The following RSPH10B2 variants were observed in gnomAD, a reference collection of about 807,000 sequenced individuals.
RSPH10B2 encodes the protein radial spoke head 10 homolog B2 (Chlamydomonas).
RSPH10B2 carries 9 observed loss-of-function variants against 49.0 expected under a neutral mutation model. That is an observed-to-expected ratio of 0.18 (90% CI 0.11 to 0.32). RSPH10B2 has a LOEUF of 0.32. Ranked by LOEUF, RSPH10B2 falls within the 10% of genes least tolerant of loss-of-function variation. The pLI is 1.00. For synonymous variants in RSPH10B2, 35 were observed against 210.2 expected, an observed-to-expected ratio of 0.17 and a Z score of 7.21; for missense variants, 95 against 589.9, an observed-to-expected ratio of 0.16 and a Z score of 8.69.
chr7:6,793,682 A>G (rs1787290016), intron 17 of RSPH10B2, among the ~76,000 whole-genome samples: 1 of 138,516 alleles, frequency 7.2e-6, no homozygotes, highest in Non-Finnish European at 1.5e-5. Flanking sequence ...CATCTCTACT[A>G]AAAATACAAA....
At chr7:6,780,360 A>G (rs1239075723) in intron 11 of RSPH10B2, among the ~76,000 whole-genome samples, 1 of 124,140 alleles carries the variant, frequency 8.1e-6, no homozygotes, top group Non-Finnish European at 1.7e-5. Flanking sequence ...GTGGTTTTAT[A>G]TCTTTTTTTA....
intron 18 of RSPH10B2, among the ~76,000 whole-genome samples, chr7:6,797,581 C>G (rs1368782853): frequency 6.6e-6 from 1 of 152,284 alleles, no homozygotes; most frequent in Admixed American, 6.5e-5. Context: ...CCCAAATGGG[C>G]TGGGCATCAT....
At chr7:6,764,531 T>C (rs1289886436) in intron 4 of RSPH10B2, among the ~76,000 whole-genome samples, 35 of 149,122 alleles carry the variant, frequency 2.3e-4, no homozygotes, top group Admixed American at 1.6e-3. Context: ...CAGCTAATTT[T>C]TGTATTTTTA....
chr7:6,780,099 A>G (rs1273551341), intron 11 of RSPH10B2, among the ~76,000 whole-genome samples: 1 of 113,268 alleles, frequency 8.8e-6, no homozygotes, highest in Non-Finnish European at 1.8e-5. Flanking sequence ...CTGGGATTAC[A>G]GGCGTGAGCC....
Position 6,776,484 on chromosome 7 carries a change from TAA to T in RSPH10B2, c.1355_1356del (p.Lys452ArgfsTer13). The stretch of plus-strand genomic sequence containing the variant: ...ACAAAGCTTCACTTCTGGAGATTTC[TAA>T]AAGATTGCAAATTTCATCACCACAA... On this transcript the variant is annotated frameshift_variant, in exon 10 of 19. Coordinates refer to ENST00000297186, the Ensembl canonical transcript of RSPH10B2. LOFTEE classifies it high-confidence loss of function. 1.5e-5 allele frequency: 1 copy of T among 66,984 alleles called. No homozygotes were observed. The highest frequency in any genetic ancestry group is 2.3e-5 in the Non-Finnish European group (1 of 42,796). 4.1% of individuals were successfully genotyped at this position (66,984 alleles called of 1,614,324 possible). A position where few individuals can be genotyped will look rare whatever the true frequency, so the allele number is the denominator to read the frequency against.
In RSPH10B2 at chr7:6,781,787, C is replaced by T. The variant is rs1203124789; in HGVS notation, c.1758+311C>T. 3.6e-5 allele frequency among the ~76,000 whole-genome samples: 4 copies of T among 111,306 alleles called. 1 individual carries two copies. Among genetic ancestry groups the T allele is most frequent in the Non-Finnish European group, 7.2e-5 (4 of 55,366 alleles). The allele number at this position is 111,306 out of a possible 152,430, so 73.0% of individuals were successfully genotyped here. Reference sequence around the variant, plus strand: ...ATCCCAGCACTTTGAGAGGCCGAGGCGGGCGGATCACCTGAGGTCAAGGAG... The same window carrying T: ...ATCCCAGCACTTTGAGAGGCCGAGGTGGGCGGATCACCTGAGGTCAAGGAG... On this transcript the variant is annotated intron_variant, in intron 13 of 18. Transcript: ENST00000297186.
At chr7:6,785,733 G>T (rs1462219706) in intron 13 of RSPH10B2, among the ~76,000 whole-genome samples, 1 of 151,224 alleles carries the variant, frequency 6.6e-6, no homozygotes. Flanking sequence ...GCTGAGGCAG[G>T]AGAATCACTT....
In RSPH10B2 at chr7:6,765,812, G is replaced by T. The variant is rs374955704; in HGVS notation, c.659+21G>T. ...AGATGGTAGGTATGACCACTGCCGCGCTTGGGGTGTAGATGAAGAAGGGTT... is the reference window on the plus strand; with the variant it reads ...AGATGGTAGGTATGACCACTGCCGCTCTTGGGGTGTAGATGAAGAAGGGTT... On this transcript the variant is annotated intron_variant, in intron 5 of 18. Coordinates refer to ENST00000297186, the Ensembl canonical transcript of RSPH10B2. 93 of 1,570,592 alleles carry T rather than the reference G, an allele frequency of 5.9e-5. 2 individuals are homozygous for T. Among genetic ancestry groups the T allele is most frequent in the Non-Finnish European group, 3.9e-5 (45 of 1,166,554 alleles).
At chr7:6,752,139 C>A (rs1410436047), upstream of RSPH10B2, among the ~76,000 whole-genome samples, 1 of 150,768 alleles carries the variant, frequency 6.6e-6, no homozygotes, top group Non-Finnish European at 1.5e-5. Flanking sequence ...AATTTTTAAA[C>A]ACGGGGGATT....
rs1236614850 is a variant in RSPH10B2, at chr7:6,782,714, C to T, written c.1758+1238C>T. Reference sequence around the variant, plus strand: ...TGGCCAATGCTGTGAAACCCCCTTTCGACTAAAAATACAAAAAAATTAGCC... The same window carrying T: ...TGGCCAATGCTGTGAAACCCCCTTTTGACTAAAAATACAAAAAAATTAGCC... On this transcript the variant is annotated intron_variant, in intron 13 of 18. Coordinates refer to ENST00000297186, the Ensembl canonical transcript of RSPH10B2. Among the ~76,000 whole-genome samples, 7 of 118,060 alleles carry T rather than the reference C, an allele frequency of 5.9e-5. 1 individual carries two copies. The highest frequency in any genetic ancestry group is 3.8e-4 in the South Asian group (1 of 2,650). The allele number at this position is 118,060 out of a possible 152,430, so 77.5% of individuals were successfully genotyped here.
At chr7:6,764,935 C>T in intron 4 of RSPH10B2, among the ~76,000 whole-genome samples, 1 of 97,512 alleles carries the variant, frequency 1.0e-5, no homozygotes, top group Non-Finnish European at 2.0e-5. Flanking sequence ...ACAAAGGGTA[C>T]TCTATGCTCA....
At chr7:6,787,673 CT>C (rs1292117607) in intron 15 of RSPH10B2, among the ~76,000 whole-genome samples, 555 of 25,128 alleles carry the variant, frequency 0.022, 27 homozygotes, top group Middle Eastern at 0.089. Context: ...CCAGCTAATT[CT>C]TTTTTTTTTT....
chr7:6,763,118 A>C (rs28600108), intron 3 of RSPH10B2, among the ~76,000 whole-genome samples: 3 of 12,036 alleles, frequency 2.5e-4, no homozygotes, highest in African/African-American at 1.3e-3. Flanking sequence ...AAAAACAAAA[A>C]AACAACAACA....
rs1418313371 is a variant in RSPH10B2 at position 6,793,897 on chromosome 7, C to T, written c.2233+1900C>T. On this transcript the variant is annotated intron_variant, in intron 17 of 18. Transcript: ENST00000297186. Reference sequence around the variant, plus strand: ...CTTCTCCCACTTTCCCCTCTAGATCCCACTTTCTTTCCCTGCTCCTTTGCT... The same window carrying T: ...CTTCTCCCACTTTCCCCTCTAGATCTCACTTTCTTTCCCTGCTCCTTTGCT... Among the ~76,000 whole-genome samples, 5 of 152,042 alleles carry T rather than the reference C, an allele frequency of 3.3e-5. No homozygotes were observed. In the East Asian group the frequency reaches 9.7e-4, roughly 29 times the overall value.
In RSPH10B2 at chr7:6,765,801, A is replaced by G; in HGVS notation, c.659+10A>G. 1 of 1,574,450 alleles carries G rather than the reference A, an allele frequency of 6.4e-7. No homozygotes were observed. The highest frequency in any genetic ancestry group is 1.2e-5 in the South Asian group (1 of 84,952). The stretch of plus-strand genomic sequence containing the variant: ...GCTGGGGAATAAGATGGTAGGTATG[A>G]CCACTGCCGCGCTTGGGGTGTAGAT... On this transcript the variant is annotated intron_variant, in intron 5 of 18. Coordinates refer to ENST00000297186, the Ensembl canonical transcript of RSPH10B2.
chr7:6,769,736 G>A (rs1781570109), intron 7 of RSPH10B2, among the ~76,000 whole-genome samples: 1 of 113,598 alleles, frequency 8.8e-6, no homozygotes, highest in African/African-American at 3.8e-5. Context: ...TTACAGGTGT[G>A]CGCCACCACG....
chr7:6,764,545 G>C (rs1324794731), intron 4 of RSPH10B2, among the ~76,000 whole-genome samples: 4 of 148,726 alleles, frequency 2.7e-5, no homozygotes, highest in African/African-American at 9.8e-5. Context: ...ATTTTTAGTA[G>C]AGATGGGGTT....
upstream of RSPH10B2, among the ~76,000 whole-genome samples, chr7:6,756,029 G>GA (rs1401817480): frequency 6.7e-6 from 1 of 150,364 alleles, no homozygotes; most frequent in Non-Finnish European, 1.5e-5. Context: ...CAGCACTTTG[G>GA]AGGCCAAGGC....
chr7:6,786,178 CT>C (rs1266902018), intron 14 of RSPH10B2, 122 bp downstream of exon 16: 17,742 of 138,490 alleles, frequency 0.13, 3 homozygotes, highest in South Asian at 0.17. Context: ...TTCACTGATG[CT>C]TTTTTTTTTT....
Sources: allele counts gnomAD v4.1 joint callset (sites outside exome capture counted in the v4.1 genomes callset), GRCh38; gene constraint gnomAD v4.1.1; transcripts MANE v1.5; gene names NCBI Gene and HGNC (gene_info 2026-07-23, HGNC 2026-07-21).